Variants in OR10J1 observed in about 807,000 individuals in gnomAD.
The protein encoded by OR10J1 is olfactory receptor 10J1.
For missense variants in OR10J1, 474 were observed against 376.6 expected, an observed-to-expected ratio of 1.26 and a Z score of -2.14; for synonymous variants, 202 against 143.8, an observed-to-expected ratio of 1.40 and a Z score of -2.89.
Position 159,440,892 on chromosome 1 carries a change from T to G in OR10J1, c.*171T>G. On this transcript the variant is annotated 3_prime_UTR_variant, in exon 1 of 1. Transcript: ENST00000423932. Reference sequence around the variant, plus strand: ...TGAAGCTTTAAATAAAGTTACTGGATGGAGTGTTATCCCTATTTTTGGGGA... The same window carrying G: ...TGAAGCTTTAAATAAAGTTACTGGAGGGAGTGTTATCCCTATTTTTGGGGA... 1 of 643,164 alleles carries G rather than the reference T, an allele frequency of 1.6e-6. No homozygotes were observed. The highest frequency in any genetic ancestry group is 2.5e-5 in the South Asian group (1 of 39,426). 39.8% of individuals were successfully genotyped at this position (643,164 alleles called of 1,614,324 possible).
At chr1:159,408,676 T>G in the OR10J1 span, among the ~76,000 whole-genome samples, 49 of 152,070 alleles carry the variant, frequency 3.2e-4, no homozygotes, top group Non-Finnish European at 6.2e-4. Context: ...AGTCTGAACC[T>G]GTCTGTAACA....
the OR10J1 span, among the ~76,000 whole-genome samples, chr1:159,410,384 T>C: frequency 2.0e-5 from 3 of 152,294 alleles, no homozygotes; most frequent in Non-Finnish European, 4.4e-5. Flanking sequence ...GAGCCTGTAA[T>C]TGGTCTATTC....
At chr1:159,415,119 T>A in the OR10J1 span, among the ~76,000 whole-genome samples, 1 of 152,096 alleles carries the variant, frequency 6.6e-6, no homozygotes. Context: ...GCTTTTGCGA[T>A]CTTCATTATA....
chr1:159,402,731 G>T, the OR10J1 span, among the ~76,000 whole-genome samples: 2 of 151,930 alleles, frequency 1.3e-5, no homozygotes, highest in Admixed American at 6.6e-5. Context: ...AAATACCAAT[G>T]ATATTCTCCA....
At chr1:159,434,810 G>A (rs1023645610), upstream of OR10J1, among the ~76,000 whole-genome samples, 17 of 152,048 alleles carry the variant, frequency 1.1e-4, 1 homozygote, top group African/African-American at 3.4e-4. Flanking sequence ...CACATGGAAA[G>A]CTCTCAGTGC....
At chr1:159,404,286 G>A in the OR10J1 span, among the ~76,000 whole-genome samples, 1 of 152,070 alleles carries the variant, frequency 6.6e-6, no homozygotes, top group Non-Finnish European at 1.5e-5. Context: ...AGAAACTGGA[G>A]GTGTTTCAGC....
the OR10J1 span, among the ~76,000 whole-genome samples, chr1:159,410,650 C>G: frequency 6.6e-6 from 1 of 151,292 alleles, no homozygotes; most frequent in Admixed American, 6.6e-5. Flanking sequence ...AAAAAACCAG[C>G]TCCTGGATTC....
chr1:159,433,304 G>GA (rs559877749), upstream of OR10J1, among the ~76,000 whole-genome samples: 1,728 of 152,002 alleles, frequency 0.011, 21 homozygotes, highest in South Asian at 0.03. Context: ...AAATATTAAT[G>GA]AAAAAAAGAA....
chr1:159,417,598 T>C, the OR10J1 span, among the ~76,000 whole-genome samples: 1 of 152,194 alleles, frequency 6.6e-6, no homozygotes, highest in African/African-American at 2.4e-5. Context: ...GAACTATGAG[T>C]CCACTAAACT....
Position 159,440,118 on chromosome 1 carries a change from C to G in OR10J1, c.327C>G (p.Ile109Met). 1 of 1,614,152 alleles carries G rather than the reference C, an allele frequency of 6.2e-7. No individual in the cohort carries two copies. The highest frequency in any genetic ancestry group is 8.5e-7 in the Non-Finnish European group (1 of 1,180,022). Residue 109 changes from isoleucine to methionine, a missense_variant, in exon 1 of 1, where the codon ATC becomes ATG. Physicochemically the swap from Ile to Met is conservative, Grantham distance 10. Transcript: ENST00000423932. ...TGTTCTTTTTTGTAACCTTTGGCAT[C>G]ACTAACTGCTTCCTGCTCACAGCAA... ...TQMFFFVTFGITNCFLLTAMG... is the reference protein window; with the variant it reads ...TQMFFFVTFGMTNCFLLTAMG...
At chr1:159,436,786 A>G (rs1244016976), upstream of OR10J1, among the ~76,000 whole-genome samples, 1 of 152,158 alleles carries the variant, frequency 6.6e-6, no homozygotes, top group Non-Finnish European at 1.5e-5. Flanking sequence ...GATACATTCA[A>G]ATACTCTTTT....
chr1:159,406,898 A>C, the OR10J1 span, among the ~76,000 whole-genome samples: 1 of 152,152 alleles, frequency 6.6e-6, no homozygotes, highest in East Asian at 1.9e-4. Context: ...AGTCCTGGGC[A>C]TTACTTTCCT....
At chr1:159,410,196 G>A in the OR10J1 span, among the ~76,000 whole-genome samples, 1 of 152,112 alleles carries the variant, frequency 6.6e-6, no homozygotes, top group African/African-American at 2.4e-5. Context: ...TTGGTATCAG[G>A]ATGATGCTGG....
the OR10J1 span, among the ~76,000 whole-genome samples, chr1:159,416,240 A>G: frequency 6.6e-6 from 1 of 151,962 alleles, no homozygotes; most frequent in Non-Finnish European, 1.5e-5. Context: ...GGTGAAAGGG[A>G]GAATCCTTGT....
upstream of OR10J1, chr1:159,433,101 C>A (rs1365833867): frequency 1.1e-5 from 5 of 440,186 alleles, no homozygotes; most frequent in Non-Finnish European, 4.0e-6. Flanking sequence ...GTCAAGGATG[C>A]CTTGCTCAGA....
the OR10J1 span, among the ~76,000 whole-genome samples, chr1:159,410,658 T>C: frequency 2.0e-5 from 3 of 151,496 alleles, no homozygotes; most frequent in South Asian, 6.3e-4. Flanking sequence ...AGCTCCTGGA[T>C]TCATTAATTT....
the OR10J1 span, among the ~76,000 whole-genome samples, chr1:159,424,368 A>G: frequency 1.3e-5 from 2 of 150,700 alleles, no homozygotes; most frequent in African/African-American, 4.9e-5. Flanking sequence ...AAATATGCAT[A>G]TATGTATATG....
In OR10J1 at chr1:159,440,799, G is replaced by A. The variant is rs1655925843; in HGVS notation, c.*78G>A. 1 of 1,463,024 alleles carries A rather than the reference G, an allele frequency of 6.8e-7. No homozygotes were observed. The highest frequency in any genetic ancestry group is 9.2e-7 in the Non-Finnish European group (1 of 1,086,706). The allele number at this position is 1,463,024 out of a possible 1,614,324, so 90.6% of individuals were successfully genotyped here. ...ATGAGGTGTAAACTCACAAACACTTGGCTCCTAGAGACCTGCCCCTTAAAT... is the reference window on the plus strand; with the variant it reads ...ATGAGGTGTAAACTCACAAACACTTAGCTCCTAGAGACCTGCCCCTTAAAT... On this transcript the variant is annotated 3_prime_UTR_variant, in exon 1 of 1. Transcript: ENST00000423932.
upstream of OR10J1, among the ~76,000 whole-genome samples, chr1:159,435,387 T>C (rs1386001500): frequency 6.6e-6 from 1 of 152,180 alleles, no homozygotes; most frequent in Non-Finnish European, 1.5e-5. Context: ...CAAAAGCATC[T>C]ACAAGTATTT....
Sources: gnomAD v4.1 joint callset for allele counts (sites outside exome capture counted in the v4.1 genomes callset) on GRCh38, gnomAD v4.1.1 for gene constraint, MANE v1.5 for transcripts, NCBI Gene and HGNC (gene_info 2026-07-23, HGNC 2026-07-21) for gene names.